The following SORBS2 variants were observed in gnomAD, a reference collection of about 807,000 sequenced individuals.
The protein encoded by SORBS2 is sorbin and SH3 domain-containing protein 2.
In SORBS2, 46 loss-of-function variants were observed where a neutral mutation model predicts 97.7. The observed-to-expected ratio is 0.47, with a 90% CI of 0.37 to 0.60. The LOEUF (loss-of-function observed/expected upper bound fraction) is 0.60. Ranked by LOEUF, SORBS2 falls within the 20% of genes least tolerant of loss-of-function variation. The pLI, the probability that SORBS2 is intolerant of heterozygous loss-of-function variation, is 0.00. For synonymous variants in SORBS2, 476 were observed against 473.4 expected (o/e 1.01, Z -0.07); for missense variants, 1,316 against 1,282.3 (o/e 1.03, Z -0.40).
chr4:185,710,234 G>A (rs7677363), intron 2 of SORBS2, among the ~76,000 whole-genome samples: 82,010 of 151,970 alleles, frequency 0.54, 22,731 homozygotes, highest in South Asian at 0.6. Flanking sequence ...CTTTCACTCA[G>A]TGTTCCCTGA....
intron 1 of SORBS2, among the ~76,000 whole-genome samples, chr4:185,830,275 T>C (rs1163066619): frequency 2.0e-5 from 3 of 152,158 alleles, no homozygotes; most frequent in African/African-American, 4.8e-5. Context: ...AAATCATAGT[T>C]TGGAGAATGA....
At chr4:185,627,791 A>G (rs2096840593) in intron 5 of SORBS2, among the ~76,000 whole-genome samples, 1 of 152,118 alleles carries the variant, frequency 6.6e-6, no homozygotes, top group Admixed American at 6.5e-5. Flanking sequence ...AATCATATAA[A>G]ATAGTCTTCC....
intron 2 of SORBS2, among the ~76,000 whole-genome samples, chr4:185,697,511 T>C (rs1383005738): frequency 6.6e-6 from 1 of 152,076 alleles, no homozygotes; most frequent in Non-Finnish European, 1.5e-5. Context: ...CCTAAGAAAA[T>C]AGTTGAATCA....
chr4:185,858,830 C>T lies in SORBS2; in HGVS notation c.-337-83464G>A, dbSNP rs28615597. On this transcript the variant is annotated intron_variant, in intron 1 of 20. Coordinates refer to the SORBS2 transcript ENST00000284776. The stretch of plus-strand genomic sequence containing the variant: ...AATGTGACAACTTTTCATTTTCTTT[C>T]CTTGTGACAACTTCATTTATTTCTT... Among the ~76,000 whole-genome samples the T allele has an allele frequency of 6.0e-3, 910 of 152,260 alleles. 14 individuals carry two copies. Among genetic ancestry groups the T allele is most frequent in the African/African-American group, 0.021 (853 of 41,552 alleles).
chr4:185,809,933 T>G (rs564921972), intron 1 of SORBS2, among the ~76,000 whole-genome samples: 1 of 152,340 alleles, frequency 6.6e-6, no homozygotes, highest in South Asian at 2.1e-4. Flanking sequence ...ACTGTGTCAA[T>G]TCTAAGAAAT....
chr4:185,849,146 T>C lies in SORBS2; in HGVS notation c.-337-73780A>G, dbSNP rs28711225. On this transcript the variant is annotated intron_variant, in intron 1 of 20. Coordinates refer to the SORBS2 transcript ENST00000284776. The stretch of plus-strand genomic sequence containing the variant: ...CAAGCACTGTTGTTCCAGGACCCTG[T>C]CAGATTAGGGCTCCATCAGACTGAA... Among the ~76,000 whole-genome samples, 438 of 152,228 alleles carry C rather than the reference T, an allele frequency of 2.9e-3. 4 individuals carry two copies. The highest frequency in any genetic ancestry group is 1.0e-2 in the African/African-American group (415 of 41,524).
rs1428888208 is a variant in SORBS2 at position 185,876,662 on chromosome 4, C to T, written c.-338+79534G>A. 5.9e-5 allele frequency among the ~76,000 whole-genome samples: 9 copies of T among 152,202 alleles called. No individual in the cohort carries two copies. In the South Asian group the frequency reaches 1.2e-3, roughly 21 times the overall value. Reference sequence around the variant, plus strand: ...TGAGCTTTTGGATTTACCTCCATGTCTGAATGAGCCCTCTTTTTCTGCCCA... The same window carrying T: ...TGAGCTTTTGGATTTACCTCCATGTTTGAATGAGCCCTCTTTTTCTGCCCA... On this transcript the variant is annotated intron_variant, in intron 1 of 20. Coordinates refer to the SORBS2 transcript ENST00000284776.
chr4:185,657,236 G>A (rs1016704385), upstream of SORBS2: 3 of 481,868 alleles, frequency 6.2e-6, no homozygotes, highest in African/African-American at 2.0e-5. Flanking sequence ...AAAACAGATT[G>A]TGTAATTCTC....
At position 185,606,903 on chromosome 4, in the gene SORBS2, T is replaced by C. The variant is rs13144128; in HGVS notation, c.2796+4877A>G. On this transcript the variant is annotated intron_variant, in intron 12 of 14. Coordinates refer to ENST00000418609, the Ensembl canonical transcript of SORBS2. The surrounding 1 kb of genome is among the most constrained non-coding windows in gnomAD (Gnocchi z 4.3). The stretch of plus-strand genomic sequence containing the variant: ...CAAAATTATCCCCTAGGACTTCTGG[T>C]GCCTTTTTAGGGTCTGAGAAGCCCC... The C allele has an allele frequency of 0.11, 105,428 of 988,584 alleles. 6,047 individuals carry two copies. Among genetic ancestry groups the C allele is most frequent in the African/African-American group, 0.2 (11,418 of 57,278 alleles). 61.2% of individuals were successfully genotyped at this position (988,584 alleles called of 1,614,324 possible).
At chr4:185,692,297 G>A (rs1353738551) in intron 2 of SORBS2, among the ~76,000 whole-genome samples, 1 of 152,192 alleles carries the variant, frequency 6.6e-6, no homozygotes, top group Non-Finnish European at 1.5e-5. Context: ...AGGCGCATCA[G>A]TACTGCAACA....
intron 2 of SORBS2, among the ~76,000 whole-genome samples, chr4:185,689,518 T>C (rs1024629391): frequency 1.3e-5 from 2 of 152,218 alleles, no homozygotes; most frequent in African/African-American, 4.8e-5. Context: ...GCCTTCCTTG[T>C]GTGTTTTGAC....
intron 1 of SORBS2, among the ~76,000 whole-genome samples, chr4:185,879,165 T>TTCC (rs1554045422): frequency 8.7e-5 from 5 of 57,150 alleles, no homozygotes; most frequent in African/African-American, 2.0e-4. Context: ...ATGCTATCCC[T>TTCC]CCCCCCCCCC....
intron 1 of SORBS2, among the ~76,000 whole-genome samples, chr4:185,835,109 C>T (rs540376760): frequency 2.2e-4 from 33 of 152,306 alleles, no homozygotes; most frequent in African/African-American, 7.7e-4. Context: ...AAGATACCTG[C>T]TCTCCCTTTG....
chr4:185,834,972 C>G (rs1316377006), intron 1 of SORBS2, among the ~76,000 whole-genome samples: 1 of 152,250 alleles, frequency 6.6e-6, no homozygotes, highest in Non-Finnish European at 1.5e-5. Flanking sequence ...TGGGAGGTGA[C>G]TGGATCACCA....
At chr4:185,674,359 AC>A (rs1051859878) in intron 4 of SORBS2, among the ~76,000 whole-genome samples, 122 of 152,180 alleles carry the variant, frequency 8.0e-4, no homozygotes, top group African/African-American at 2.8e-3. Context: ...TGTTTGCTTG[AC>A]TTTCAAAATA....
At chr4:185,763,185 T>TCAAAAA (rs59643716) in intron 2 of SORBS2, among the ~76,000 whole-genome samples, 22 of 151,400 alleles carry the variant, frequency 1.5e-4, no homozygotes, top group Non-Finnish European at 2.2e-4. Flanking sequence ...AGAGACTCTC[T>TCAAAAA]CAAAAACAAA....
chr4:185,911,916 G>A, intron 1 of SORBS2, among the ~76,000 whole-genome samples: 1 of 152,306 alleles, frequency 6.6e-6, no homozygotes, highest in Non-Finnish European at 1.5e-5. Context: ...TCCCAGAGAT[G>A]GCTGCAGGGC....
rs189052787 is a variant in SORBS2 at position 185,598,480 on chromosome 4, C to T, written c.2797-4545G>A. On this transcript the variant is annotated intron_variant, in intron 12 of 14. Transcript: ENST00000418609. ...TAACATCAGTAAAATATATACTTTC[C>T]GATCTTAGTGAGCTACAGTCTGTTG... 4.5e-4 allele frequency among the ~76,000 whole-genome samples: 68 copies of T among 152,204 alleles called. No individual in the cohort carries two copies. The Middle Eastern group carries it at 0.01, about 23-fold the overall frequency.
chr4:185,949,188 C>T (rs2099275990), intron 1 of SORBS2, among the ~76,000 whole-genome samples: 1 of 152,140 alleles, frequency 6.6e-6, no homozygotes, highest in African/African-American at 2.4e-5. Flanking sequence ...TTTGAGAACT[C>T]CAAGTACGGC....
Sources: allele counts gnomAD v4.1 joint callset (sites outside exome capture counted in the v4.1 genomes callset), GRCh38; gene constraint gnomAD v4.1.1; non-coding constraint Gnocchi (gnomAD v3.1); transcripts MANE v1.5; gene names NCBI Gene and HGNC (gene_info 2026-07-23, HGNC 2026-07-21).